KCNJ6: variants seen among roughly 807,000 people sequenced by gnomAD.
The protein encoded by KCNJ6 is potassium inwardly rectifying channel subfamily J member 6, also known as G protein-activated inward rectifier potassium channel 2.
Under a neutral mutation model 34.2 loss-of-function variants are expected in KCNJ6, and 9 were observed. The observed-to-expected ratio is 0.26, with a 90% confidence interval of 0.16 to 0.46. KCNJ6 has a LOEUF of 0.46. Among genes scored for constraint, KCNJ6 ranks in the 20% least tolerant of loss-of-function variants. KCNJ6 has a pLI of 1.00. For missense variants in KCNJ6, 236 were observed against 531.3 expected (o/e 0.44, Z 5.46); for synonymous variants, 196 against 207.1 (o/e 0.95, Z 0.46).
intron 3 of KCNJ6, among the ~76,000 whole-genome samples, chr21:37,699,783 ACT>A (rs1230909059): frequency 4.6e-5 from 7 of 151,986 alleles, no homozygotes; most frequent in South Asian, 2.1e-4. Flanking sequence ...TCCGCTTTAA[ACT>A]CTCTGTATTT....
At chr21:37,732,439 C>T (rs955404273) in intron 2 of KCNJ6, among the ~76,000 whole-genome samples, 1 of 152,206 alleles carries the variant, frequency 6.6e-6, no homozygotes, top group African/African-American at 2.4e-5. Context: ...CCAGTTAAGA[C>T]ACAAGTCGCC....
At chr21:37,631,004 C>T (rs140869255) in intron 3 of KCNJ6, among the ~76,000 whole-genome samples, 189 of 152,194 alleles carry the variant, frequency 1.2e-3, no homozygotes, top group African/African-American at 3.9e-3. Context: ...CTGGAACTAT[C>T]GAGTTCCAGG....
At chr21:37,776,385 T>C (rs1490825580) in intron 2 of KCNJ6, among the ~76,000 whole-genome samples, 1 of 152,194 alleles carries the variant, frequency 6.6e-6, no homozygotes, top group Non-Finnish European at 1.5e-5. Context: ...CAACACTATG[T>C]TGAATAGGAG....
In KCNJ6 at chr21:37,820,645, G is replaced by C. The variant is rs772089936; in HGVS notation, c.25+20013C>G. On this transcript the variant is annotated intron_variant, in intron 2 of 3. Transcript: ENST00000609713. ...TTCAGGTTCCATAATTTACTAGAAT[G>C]ACTAACAGAACTCAAGAAAGTGCCA... is the stretch of plus-strand genomic sequence containing the variant. 9.1e-4 allele frequency among the ~76,000 whole-genome samples: 139 copies of C among 152,322 alleles called. 2 individuals carry two copies. The highest frequency in any genetic ancestry group is 3.2e-4 in the Non-Finnish European group (22 of 68,034).
intron 1 of KCNJ6, among the ~76,000 whole-genome samples, chr21:37,915,224 CCA>C (rs1601529427): frequency 6.6e-6 from 1 of 152,186 alleles, no homozygotes; most frequent in Non-Finnish European, 1.5e-5. Flanking sequence ...CCTCTAAATG[CCA>C]CACACATCTC....
Position 37,613,983 on chromosome 21 carries a change from G to C in KCNJ6, c.*11176C>G, listed in dbSNP as rs2054251964. On this transcript the variant is annotated 3_prime_UTR_variant, in exon 4 of 4. Transcript: ENST00000609713. ...GTGGTTTGGCATATCACTCGTGGGG[G>C]CGGCCATGCATGCGGGGGCCGGGGG... 1 of 152,236 alleles carries C rather than the reference G, an allele frequency of 6.6e-6. No individual in the cohort carries two copies. The highest frequency in any genetic ancestry group is 1.5e-5 in the Non-Finnish European group (1 of 68,098). 9.4% of individuals were successfully genotyped at this position (152,236 alleles called of 1,614,324 possible). A position where few individuals can be genotyped will look rare whatever the true frequency, so the allele number is the denominator to read the frequency against.
chr21:37,799,192 A>G (rs1006474994), intron 2 of KCNJ6, among the ~76,000 whole-genome samples: 1 of 152,298 alleles, frequency 6.6e-6, no homozygotes, highest in East Asian at 1.9e-4. Flanking sequence ...CTGTTCCTGC[A>G]TTAGTTTGCT....
intron 3 of KCNJ6, among the ~76,000 whole-genome samples, chr21:37,649,447 A>AT (rs770167390): frequency 6.6e-6 from 1 of 152,126 alleles, no homozygotes; most frequent in African/African-American, 2.4e-5. Flanking sequence ...AAATTGATGA[A>AT]ATTTTTTTTA....
rs1159410792 is a variant in KCNJ6, at chr21:37,621,691, T to A, written c.*3468A>T. On this transcript the variant is annotated 3_prime_UTR_variant, in exon 4 of 4. Coordinates refer to ENST00000609713, the MANE Select transcript of KCNJ6 (RefSeq NM_002240.5). ...TGTTAGGGAACATAAGGTACTGAAC[T>A]AAAACAATAGAATTGGAACTGGAGA... 1 of 152,122 alleles carries A rather than the reference T, an allele frequency of 6.6e-6. No individual in the cohort carries two copies. The highest frequency in any genetic ancestry group is 1.5e-5 in the Non-Finnish European group (1 of 68,024). The allele number at this position is 152,122 out of a possible 1,614,324, so 9.4% of individuals were successfully genotyped here.
At chr21:37,627,700 C>G (rs1164095595) in intron 3 of KCNJ6, among the ~76,000 whole-genome samples, 1 of 152,118 alleles carries the variant, frequency 6.6e-6, no homozygotes. Flanking sequence ...ACTAGAAGAC[C>G]ACATGCATGT....
At chr21:37,674,838 C>T (rs546881425) in intron 3 of KCNJ6, among the ~76,000 whole-genome samples, 72 of 152,214 alleles carry the variant, frequency 4.7e-4, no homozygotes, top group African/African-American at 1.7e-3. Context: ...TCCTGACTAC[C>T]TAGAACACTG....
intron 3 of KCNJ6, among the ~76,000 whole-genome samples, chr21:37,697,844 C>T (rs951177934): frequency 6.6e-6 from 1 of 152,172 alleles, no homozygotes; most frequent in African/African-American, 2.4e-5. Flanking sequence ...TACACTCAGT[C>T]TCCTAGGCAA....
rs535532028 is a variant in KCNJ6 at position 37,811,935 on chromosome 21, A to G, written c.25+28723T>C. Among the ~76,000 whole-genome samples the G allele has an allele frequency of 1.3e-5, 2 of 152,248 alleles. 1 individual carries two copies. Among genetic ancestry groups the G allele is most frequent in the South Asian group, 4.1e-4 (2 of 4,836 alleles). ...AACATTGGAAAAACATTTGGCAAAC[A>G]TAAAGCCATCCCAAAAAGATAAGTT... On this transcript the variant is annotated intron_variant, in intron 2 of 3. Coordinates refer to ENST00000609713, the MANE Select transcript of KCNJ6 (RefSeq NM_002240.5).
At chr21:37,685,461 C>T (rs2054609235) in intron 3 of KCNJ6, among the ~76,000 whole-genome samples, 1 of 145,170 alleles carries the variant, frequency 6.9e-6, no homozygotes, top group Non-Finnish European at 1.5e-5. Flanking sequence ...GCGGGCGGAT[C>T]ACAAGTTCAG....
intron 2 of KCNJ6, among the ~76,000 whole-genome samples, chr21:37,799,701 G>C (rs2055260215): frequency 6.6e-6 from 1 of 152,132 alleles, no homozygotes; most frequent in South Asian, 2.1e-4. Context: ...CGAAATGTTT[G>C]AGGTTTCCAG....
chr21:37,787,656 C>A (rs1166766446), intron 2 of KCNJ6, among the ~76,000 whole-genome samples: 1 of 152,116 alleles, frequency 6.6e-6, no homozygotes, highest in Non-Finnish European at 1.5e-5. Flanking sequence ...TCAATGGACA[C>A]AGTCATGCTG....
chr21:37,846,532 G>A (rs2055509000), intron 1 of KCNJ6, among the ~76,000 whole-genome samples: 1 of 152,082 alleles, frequency 6.6e-6, no homozygotes, highest in Admixed American at 6.6e-5. Flanking sequence ...GCAGAACCCA[G>A]TGAGGTCTGC....
chr21:37,898,972 T>A (rs1334666478), intron 1 of KCNJ6, among the ~76,000 whole-genome samples: 1 of 152,238 alleles, frequency 6.6e-6, no homozygotes, highest in African/African-American at 2.4e-5. Flanking sequence ...GTTTTAAATA[T>A]CCTGCTTTAA....
At chr21:37,829,751 G>A (rs2055416209) in intron 2 of KCNJ6, among the ~76,000 whole-genome samples, 1 of 152,230 alleles carries the variant, frequency 6.6e-6, no homozygotes. Flanking sequence ...GAGAGAGGAA[G>A]ACACTGGAGT....
Sources: gnomAD v4.1 joint callset for allele counts (sites outside exome capture counted in the v4.1 genomes callset) on GRCh38, gnomAD v4.1.1 for gene constraint, MANE v1.5 for transcripts, NCBI Gene and HGNC (gene_info 2026-07-23, HGNC 2026-07-21) for gene names.